The following PDE10A variants were observed in gnomAD, a reference collection of about 807,000 sequenced individuals.
The protein encoded by PDE10A is cAMP and cAMP-inhibited cGMP 3',5'-cyclic phosphodiesterase 10A.
In PDE10A, 39 loss-of-function variants were observed where a neutral mutation model predicts 97.7. The ratio of observed to expected loss-of-function variants is 0.40; its 90% CI spans 0.31 to 0.52. The LOEUF is 0.52. Ranked by LOEUF, PDE10A falls within the 20% of genes least tolerant of loss-of-function variation. The pLI is 0.56. For synonymous variants in PDE10A, 371 were observed against 376.8 expected (o/e 0.98, Z 0.18); for missense variants, 731 against 1,047.8 (o/e 0.70, Z 4.17).
At chr6:165,368,061 T>C (rs997038108) in intron 18 of PDE10A, among the ~76,000 whole-genome samples, 4 of 152,210 alleles carry the variant, frequency 2.6e-5, no homozygotes, top group Non-Finnish European at 4.4e-5. Flanking sequence ...AGTGGCATGG[T>C]CTTGGCTCAC....
At chr6:165,788,518 C>CAAAAAAAAAAAAAAAAAAAAAA (rs56927613) in intron 1 of PDE10A, among the ~76,000 whole-genome samples, 1 of 74,764 alleles carries the variant, frequency 1.3e-5, no homozygotes, top group Non-Finnish European at 2.3e-5. Context: ...AACTCTGTCT[C>CAAAAAAAAAAAAAAAAAAAAAA]AAAAAAAAAA....
At chr6:165,566,734 A>G (rs1004751795) in intron 1 of PDE10A, among the ~76,000 whole-genome samples, 1 of 152,224 alleles carries the variant, frequency 6.6e-6, no homozygotes, top group Non-Finnish European at 1.5e-5. Context: ...GGCTTTGCTT[A>G]GGCATGACAG....
intron 1 of PDE10A, among the ~76,000 whole-genome samples, chr6:165,805,582 G>A (rs1480706835): frequency 1.3e-5 from 2 of 151,964 alleles, no homozygotes; most frequent in Admixed American, 1.3e-4. Flanking sequence ...CCGACCCTCG[G>A]CCTCCTTCAA....
At chr6:165,433,965 C>G (rs542324565) in intron 6 of PDE10A, among the ~76,000 whole-genome samples, 1 of 135,290 alleles carries the variant, frequency 7.4e-6, no homozygotes. Context: ...TGCAGTGAGC[C>G]GAGATCAAGC....
At chr6:165,838,395 C>G (rs1327637229) in intron 1 of PDE10A, among the ~76,000 whole-genome samples, 1 of 151,768 alleles carries the variant, frequency 6.6e-6, no homozygotes, top group Non-Finnish European at 1.5e-5. Flanking sequence ...TATTTTTCCA[C>G]TTTTTAAAAA....
intron 1 of PDE10A, among the ~76,000 whole-genome samples, chr6:165,868,500 A>C (rs1781115968): frequency 1.3e-5 from 2 of 151,992 alleles, no homozygotes; most frequent in African/African-American, 2.4e-5. Flanking sequence ...AAAAAGTAAC[A>C]GGATTGAATC....
chr6:165,674,637 A>G (rs745689809), intron 1 of PDE10A, among the ~76,000 whole-genome samples: 4 of 152,192 alleles, frequency 2.6e-5, no homozygotes, highest in African/African-American at 7.2e-5. Flanking sequence ...CACTATTCCT[A>G]AGGGACTGGC....
chr6:165,871,428 G>T (rs138358169), intron 1 of PDE10A, among the ~76,000 whole-genome samples: 49 of 152,276 alleles, frequency 3.2e-4, no homozygotes, highest in Non-Finnish European at 5.9e-4. Context: ...CAGCACTCCC[G>T]ATGTGACCTG....
intron 1 of PDE10A, among the ~76,000 whole-genome samples, chr6:165,691,075 T>TTCTC (rs376093908): frequency 0.033 from 1,679 of 50,382 alleles, 209 homozygotes; most frequent in African/African-American, 0.18. Flanking sequence ...CTCTCTCTCT[T>TTCTC]TCTCTCTCTC....
chr6:165,494,683 A>G (rs74854559), intron 2 of PDE10A, among the ~76,000 whole-genome samples: 301 of 152,240 alleles, frequency 2.0e-3, no homozygotes, highest in African/African-American at 7.1e-3. Context: ...AAAGTTACTG[A>G]GAATGCATTT....
chr6:165,707,687 A>C (rs1003992258), intron 1 of PDE10A, among the ~76,000 whole-genome samples: 2 of 151,326 alleles, frequency 1.3e-5, no homozygotes, highest in African/African-American at 2.4e-5. Context: ...GTATGTGAGC[A>C]TGTGTGTGAG....
At chr6:165,589,012 G>C (rs1398666202) in intron 1 of PDE10A, among the ~76,000 whole-genome samples, 1 of 152,138 alleles carries the variant, frequency 6.6e-6, no homozygotes, top group African/African-American at 2.4e-5. Flanking sequence ...TAAGAAACCA[G>C]TTCTTTTCAA....
At chr6:165,747,573 G>A (rs1306442785) in intron 1 of PDE10A, among the ~76,000 whole-genome samples, 2 of 151,040 alleles carry the variant, frequency 1.3e-5, no homozygotes, top group Non-Finnish European at 2.9e-5. Flanking sequence ...AGTCTGTGCT[G>A]AAAATGATCA....
At chr6:165,600,176 C>T (rs1290528309) in intron 1 of PDE10A, among the ~76,000 whole-genome samples, 1 of 152,194 alleles carries the variant, frequency 6.6e-6, no homozygotes, top group Non-Finnish European at 1.5e-5. Context: ...CTTCACTCCT[C>T]CTCCGAGGAT....
At chr6:165,656,481 C>G (rs1391434370) in intron 1 of PDE10A, among the ~76,000 whole-genome samples, 3 of 151,956 alleles carry the variant, frequency 2.0e-5, no homozygotes, top group Non-Finnish European at 4.4e-5. Context: ...CAAGATCAGC[C>G]CTCTCCCTGC....
intron 1 of PDE10A, among the ~76,000 whole-genome samples, chr6:165,708,288 G>A (rs1791770730): frequency 6.6e-6 from 1 of 152,048 alleles, no homozygotes; most frequent in Admixed American, 6.5e-5. Context: ...TTCCTGGCTT[G>A]GTTTCTGGCC....
At chr6:165,346,512 C>T (rs1436279215) in intron 18 of PDE10A, among the ~76,000 whole-genome samples, 1 of 152,158 alleles carries the variant, frequency 6.6e-6, no homozygotes, top group African/African-American at 2.4e-5. Context: ...GCAGATATTC[C>T]AACCTCAAAG....
intron 17 of PDE10A, among the ~76,000 whole-genome samples, chr6:165,382,571 C>T (rs1401053162): frequency 6.6e-6 from 1 of 152,038 alleles, no homozygotes; most frequent in Non-Finnish European, 1.5e-5. Context: ...ACTTAACCTC[C>T]TTGATGCATA....
chr6:165,938,363 AC>A (rs1261095999), intron 1 of PDE10A, among the ~76,000 whole-genome samples: 1 of 152,254 alleles, frequency 6.6e-6, no homozygotes. Flanking sequence ...AATAAAGGCA[AC>A]ATCCACTCAT....
Sources: gnomAD v4.1 joint callset for allele counts (sites outside exome capture counted in the v4.1 genomes callset) on GRCh38, gnomAD v4.1.1 for gene constraint, MANE v1.5 for transcripts, NCBI Gene and HGNC (gene_info 2026-07-23, HGNC 2026-07-21) for gene names.